TRABD2A: variants seen among roughly 807,000 people sequenced by gnomAD.
TRABD2A encodes metalloprotease TIKI1.
Under a neutral mutation model 45.6 loss-of-function variants are expected in TRABD2A, and 43 were observed. The ratio of observed to expected loss-of-function variants is 0.94; its 90% confidence interval spans 0.74 to 1.22. The LOEUF is 1.22. Ranked by LOEUF, TRABD2A falls within the 50% of genes most tolerant of loss-of-function variation. The pLI is 0.00. For missense variants in TRABD2A, 642 were observed against 652.4 expected (o/e 0.98, Z 0.17); for synonymous variants, 269 against 265.0 (o/e 1.02, Z -0.15).
chr2:84,875,036 C>A, intron 1 of TRABD2A: 1 of 175,590 alleles, frequency 5.7e-6, no homozygotes. Context: ...ATCTTGATGG[C>A]TGCCACACTC....
Position 84,870,401 on chromosome 2 carries a change from GC to G in TRABD2A, c.492del (p.Arg164SerfsTer5), listed in dbSNP as rs1362042501. The G allele has an allele frequency of 6.2e-7, 1 of 1,613,888 alleles. No individual in the cohort carries two copies. Among genetic ancestry groups the G allele is most frequent in the Non-Finnish European group, 8.5e-7 (1 of 1,179,902 alleles). The stretch of plus-strand genomic sequence containing the variant: ...TTGACCATGAGCATCACCCAGACAG[GC>G]CTCTTGCGCTCCCAGTTTCCGGCAA... ...NAIAGNWERKRPVWVMLMVNS... is the reference protein window; with the variant it reads ...NAIAGNWERKXPVWVMLMVNS... On this transcript the variant is annotated frameshift_variant, in exon 2 of 7. Coordinates refer to ENST00000409520, the MANE Select transcript of TRABD2A (RefSeq NM_001277053.2). LOFTEE classifies it high-confidence loss of function.
intron 1 of TRABD2A, among the ~76,000 whole-genome samples, chr2:84,873,819 T>C (rs1179767878): frequency 3.3e-5 from 5 of 152,248 alleles, no homozygotes; most frequent in Admixed American, 3.3e-4. Context: ...TCATGAAATG[T>C]CTGGGGACCA....
chr2:84,823,845 G>A (rs1385162716), intron 6 of TRABD2A, 108 bp downstream of exon 6: 19 of 1,459,174 alleles, frequency 1.3e-5, no homozygotes, highest in Admixed American at 7.2e-5. Context: ...GAAAGGGAAA[G>A]GTTGCTCCAT....
At chr2:84,829,492 A>T (rs1299272091) in intron 5 of TRABD2A, among the ~76,000 whole-genome samples, 5 of 149,616 alleles carry the variant, frequency 3.3e-5, no homozygotes, top group Admixed American at 2.0e-4. Flanking sequence ...CCACACATAC[A>T]CAACTCACAC....
In TRABD2A at chr2:84,870,356, T is replaced by A. The variant is rs1283976196; in HGVS notation, c.538A>T (p.Ile180Phe). The change falls in exon 2 of 7, where the codon ATT (isoleucine) becomes TTT (phenylalanine). Residue 180 changes from isoleucine (I) to phenylalanine (F), a missense_variant. Transcript: ENST00000409520. ...AAGACAGGCACTCCACGGGACTTAA[T>A]GTCCACTTCAGTCAGGGAGTTGACC... ...LMVNSLTEVD[I>F]KSRGVPVLDL... 2 of 1,613,922 alleles carry A rather than the reference T, an allele frequency of 1.2e-6. No homozygotes were observed. The highest frequency in any genetic ancestry group is 1.7e-5 in the Admixed American group (1 of 60,004).
At position 84,839,315 on chromosome 2, in the gene TRABD2A, AT is replaced by A; in HGVS notation, c.824del (p.Asn275IlefsTer26). On this transcript the variant is annotated frameshift_variant, in exon 4 of 7. Transcript: ENST00000409520. LOFTEE classifies it high-confidence loss of function. The part of the protein sequence containing the change: ...ILSHDSSQVP[N>X]FINATLPPQE... Reference sequence around the variant, plus strand: ...GAGGTGGTAGCGTGGCATTAATAAAATTGGGAACCTCCACCAAAATAAAGAG... The same window carrying A: ...GAGGTGGTAGCGTGGCATTAATAAAATGGGAACCTCCACCAAAATAAAGAG... 3 of 1,606,700 alleles carry A rather than the reference AT, an allele frequency of 1.9e-6. No homozygotes were observed. In the South Asian group the frequency reaches 3.3e-5, roughly 18 times the overall value.
chr2:84,861,591 T>C (rs976080667), intron 2 of TRABD2A, among the ~76,000 whole-genome samples: 5 of 152,132 alleles, frequency 3.3e-5, no homozygotes, highest in African/African-American at 1.2e-4. Flanking sequence ...ATCTGTGGCG[T>C]GGTGATTGGG....
At chr2:84,861,666 G>A (rs1038555598) in intron 2 of TRABD2A, among the ~76,000 whole-genome samples, 18 of 152,208 alleles carry the variant, frequency 1.2e-4, no homozygotes, top group African/African-American at 4.3e-4. Flanking sequence ...ACCATCGGCA[G>A]CCTCTTCAGA....
At chr2:84,845,228 G>A (rs1681844309) in intron 2 of TRABD2A, among the ~76,000 whole-genome samples, 3 of 152,214 alleles carry the variant, frequency 2.0e-5, no homozygotes, top group Admixed American at 6.5e-5. Flanking sequence ...GCAGGTGCCT[G>A]TAATCCCAGC....
intron 4 of TRABD2A, chr2:84,833,466 C>T (rs1471634710): frequency 6.6e-6 from 1 of 152,194 alleles, no homozygotes; most frequent in African/African-American, 2.4e-5. Flanking sequence ...TCTTCTACTG[C>T]AAAGGTGATT....
rs201720348 is a variant in TRABD2A, at chr2:84,881,063, C to T, written c.-24G>A. The stretch of plus-strand genomic sequence containing the variant: ...ATCCTCCTCAAGGCGGCTCCGAGGC[C>T]CGGAACGCGGAGGGAAGGAGTAGGG... On this transcript the variant is annotated 5_prime_UTR_variant, in exon 1 of 7. Coordinates refer to ENST00000409520, the MANE Select transcript of TRABD2A (RefSeq NM_001277053.2). The T allele has an allele frequency of 2.7e-3, 4,233 of 1,568,306 alleles. 8 individuals carry two copies. The highest frequency in any genetic ancestry group is 2.9e-3 in the Non-Finnish European group (3,317 of 1,158,784).
chr2:84,849,266 G>A (rs151307898), intron 2 of TRABD2A, among the ~76,000 whole-genome samples: 1 of 152,040 alleles, frequency 6.6e-6, no homozygotes, highest in Admixed American at 6.5e-5. Context: ...AGGATTCAGG[G>A]CTCATTTCTC....
intron 2 of TRABD2A, among the ~76,000 whole-genome samples, chr2:84,860,077 C>G (rs151275292): frequency 1.3e-5 from 2 of 152,264 alleles, no homozygotes; most frequent in Non-Finnish European, 2.9e-5. Flanking sequence ...CACTCTCCTC[C>G]CCACCACACA....
chr2:84,850,720 G>A (rs1185958529), intron 2 of TRABD2A: 1 of 152,204 alleles, frequency 6.6e-6, no homozygotes, highest in African/African-American at 2.4e-5. Flanking sequence ...CCCCTCCATG[G>A]GGGGCCTTCA....
intron 1 of TRABD2A, among the ~76,000 whole-genome samples, chr2:84,880,311 G>A (rs1172327452): frequency 6.6e-6 from 1 of 152,104 alleles, no homozygotes; most frequent in Non-Finnish European, 1.5e-5. Flanking sequence ...ACGTTGATGC[G>A]AACATCTAAA....
rs559465733 is a variant in TRABD2A at position 84,822,041 on chromosome 2, C to T, written c.1394G>A (p.Arg465Gln). ...VLDRHISTEL[R>Q]LPRRGHSHHS... is the part of the protein sequence containing the mutation. ...GTGGGAATGCCCACGGCGAGGGAGC[C>T]GCAGTTCAGTGGAGATGTGCCTGTC... The change falls in exon 7 of 7, where the codon CGG (arginine) becomes CAG (glutamine). Residue 465 changes from arginine to glutamine, a missense_variant. Arg to Gln is a conservative substitution (Grantham distance 43). Transcript: ENST00000409520. The T allele has an allele frequency of 2.7e-5, 43 of 1,591,062 alleles. 1 individual carries two copies. Among genetic ancestry groups the T allele is most frequent in the East Asian group, 2.1e-4 (9 of 43,878 alleles).
chr2:84,855,752 C>A (rs903506391), intron 2 of TRABD2A, among the ~76,000 whole-genome samples: 2 of 152,082 alleles, frequency 1.3e-5, no homozygotes, highest in South Asian at 2.1e-4. Flanking sequence ...TTGCAGCAGA[C>A]CTTTTTCTCT....
intron 2 of TRABD2A, among the ~76,000 whole-genome samples, chr2:84,856,838 G>T (rs1404468583): frequency 6.6e-6 from 1 of 152,090 alleles, no homozygotes; most frequent in Non-Finnish European, 1.5e-5. Context: ...ACACTAAATT[G>T]TGTCCCCGCC....
intron 2 of TRABD2A, among the ~76,000 whole-genome samples, chr2:84,846,199 A>C (rs940154371): frequency 1.3e-5 from 2 of 152,194 alleles, no homozygotes; most frequent in Admixed American, 6.5e-5. Flanking sequence ...TGTGCATCAG[A>C]GTTAGTGCTG....
Sources: gnomAD v4.1 joint callset for allele counts (sites outside exome capture counted in the v4.1 genomes callset) on GRCh38, gnomAD v4.1.1 for gene constraint, MANE v1.5 for transcripts, NCBI Gene and HGNC (gene_info 2026-07-23, HGNC 2026-07-21) for gene names.